The following LIPA variants were observed in gnomAD, a reference collection of about 807,000 sequenced individuals.
The protein encoded by LIPA is lysosomal acid lipase/cholesteryl ester hydrolase.
LIPA carries 26 observed loss-of-function variants against 40.6 expected under a neutral mutation model. The ratio of observed to expected loss-of-function variants is 0.64; its 90% CI spans 0.47 to 0.89. The LOEUF is 0.89. Ranked by LOEUF, LIPA falls within the 40% of genes least tolerant of loss-of-function variation. The probability of loss-of-function intolerance (pLI) is 0.00; values close to 1 mark genes in which losing one functional copy is unlikely to be tolerated. For synonymous variants in LIPA, 188 were observed against 168.4 expected (o/e 1.12, Z -0.90); for missense variants, 455 against 479.6 (o/e 0.95, Z 0.48).
At chr10:89,247,450 G>T in intron 2 of LIPA, 88 bp downstream of exon 2, 52 of 617,042 alleles carry the variant, frequency 8.4e-5, no homozygotes, top group East Asian at 4.7e-4. Flanking sequence ...ATAAAGAGAT[G>T]AATGTATGGG....
intron 1 of LIPA, among the ~76,000 whole-genome samples, chr10:89,251,391 G>A (rs1843118063): frequency 6.6e-6 from 1 of 152,236 alleles, no homozygotes; most frequent in African/African-American, 2.4e-5. Context: ...GCACGAGGAT[G>A]CAGAGAGAGG....
intron 1 of LIPA, among the ~76,000 whole-genome samples, chr10:89,273,166 A>G (rs892928827): frequency 3.3e-5 from 5 of 152,076 alleles, no homozygotes; most frequent in African/African-American, 1.2e-4. Flanking sequence ...GGAGGGAAGC[A>G]TAAGGAATTC....
intron 1 of LIPA, among the ~76,000 whole-genome samples, chr10:89,281,676 G>A (rs1447994351): frequency 6.6e-6 from 1 of 152,186 alleles, no homozygotes; most frequent in Admixed American, 6.5e-5. Flanking sequence ...CTTCGCTACT[G>A]CACTTTTTGT....
rs1462492699 is a variant in LIPA, at chr10:89,334,091, G to A, written c.-2+8520C>T. 2.0e-5 allele frequency among the ~76,000 whole-genome samples: 3 copies of A among 152,130 alleles called. No individual in the cohort carries two copies. The East Asian group carries it at 5.8e-4, about 29-fold the overall frequency. On this transcript the variant is annotated intron_variant, in intron 1 of 5. Transcript: ENST00000282673. ...CTGCACATGTGCAGACAAGAGTGGG[G>A]AAATCCCCACTCTTACCACTTCAAG...
At chr10:89,253,365 G>A (rs970966509), upstream of LIPA, among the ~76,000 whole-genome samples, 4 of 152,152 alleles carry the variant, frequency 2.6e-5, no homozygotes, top group Non-Finnish European at 4.4e-5. Context: ...CTTACATGGC[G>A]GCACATGTGA....
intron 2 of LIPA, among the ~76,000 whole-genome samples, chr10:89,409,858 C>A (rs1268202631): frequency 6.6e-6 from 1 of 152,140 alleles, no homozygotes; most frequent in African/African-American, 2.4e-5. Context: ...ATATATTAGC[C>A]AAAGCTGGAG....
At chr10:89,296,415 C>T (rs1164188226) in intron 1 of LIPA, among the ~76,000 whole-genome samples, 3 of 150,542 alleles carry the variant, frequency 2.0e-5, no homozygotes, top group Non-Finnish European at 3.0e-5. Flanking sequence ...CTGCTTGAAC[C>T]CGGTAGGCAG....
intron 2 of LIPA, chr10:89,362,857 C>T (rs1020710273): frequency 3.7e-5 from 12 of 326,768 alleles, no homozygotes; most frequent in African/African-American, 2.4e-4. Context: ...TATGTCATCA[C>T]TGCCTATTGC....
chr10:89,258,622 T>C (rs144482039), intron 1 of LIPA, among the ~76,000 whole-genome samples: 168 of 152,328 alleles, frequency 1.1e-3, no homozygotes, highest in African/African-American at 3.8e-3. Context: ...GTGTGGCCAC[T>C]TTGGAAAACA....
intron 2 of LIPA, among the ~76,000 whole-genome samples, chr10:89,386,179 A>G (rs1046507332): frequency 3.9e-5 from 6 of 152,166 alleles, no homozygotes; most frequent in East Asian, 1.9e-4. Context: ...AGCCAAAACC[A>G]TAAGTGCATG....
At chr10:89,345,038 G>A (rs894576809), upstream of LIPA, among the ~76,000 whole-genome samples, 7 of 151,724 alleles carry the variant, frequency 4.6e-5, no homozygotes, top group Admixed American at 4.6e-4. Context: ...ATAGTGGCGG[G>A]CATCTGTAAT....
At chr10:89,291,796 C>T (rs951531705) in intron 1 of LIPA, among the ~76,000 whole-genome samples, 1 of 152,182 alleles carries the variant, frequency 6.6e-6, no homozygotes, top group Non-Finnish European at 1.5e-5. Context: ...TTAGTGTTTC[C>T]CCTTCATAAT....
intron 1 of LIPA, among the ~76,000 whole-genome samples, chr10:89,282,898 A>C (rs1475365498): frequency 1.3e-5 from 2 of 152,172 alleles, no homozygotes; most frequent in Admixed American, 6.5e-5. Flanking sequence ...GCAGACCTGG[A>C]CTTCTGTCCT....
At chr10:89,304,886 G>A (rs971209785) in intron 1 of LIPA, among the ~76,000 whole-genome samples, 2 of 151,904 alleles carry the variant, frequency 1.3e-5, no homozygotes, top group Non-Finnish European at 2.9e-5. Flanking sequence ...AAAGAAAAAA[G>A]AGCTCTTTCT....
At chr10:89,384,535 A>G (rs367734139) in intron 2 of LIPA, 30 of 1,614,028 alleles carry the variant, frequency 1.9e-5, no homozygotes, top group Non-Finnish European at 2.5e-5. Flanking sequence ...AGGTTTGAAA[A>G]TAGAAAAAAT....
At chr10:89,260,621 T>G (rs1408908171) in intron 1 of LIPA, among the ~76,000 whole-genome samples, 2 of 152,154 alleles carry the variant, frequency 1.3e-5, no homozygotes, top group Non-Finnish European at 2.9e-5. Context: ...TTCTGGTACA[T>G]GGGGCCTCAG....
At chr10:89,289,382 G>A (rs918102031) in intron 1 of LIPA, among the ~76,000 whole-genome samples, 1 of 151,472 alleles carries the variant, frequency 6.6e-6, no homozygotes, top group African/African-American at 2.4e-5. Context: ...CTCAGGGAAT[G>A]TTCAGGCCCC....
intron 1 of LIPA, among the ~76,000 whole-genome samples, chr10:89,322,888 G>T (rs1187012621): frequency 2.6e-5 from 4 of 152,154 alleles, no homozygotes; most frequent in Admixed American, 1.3e-4. Context: ...ATCTACCCCT[G>T]CCACTGGTTG....
chr10:89,384,766 G>T, intron 2 of LIPA: 1 of 1,502,896 alleles, frequency 6.7e-7, no homozygotes, highest in South Asian at 1.2e-5. Context: ...TCCATTTAAT[G>T]GTCTTATAAC....
Sources: gnomAD v4.1 joint callset for allele counts (sites outside exome capture counted in the v4.1 genomes callset) on GRCh38, gnomAD v4.1.1 for gene constraint, MANE v1.5 for transcripts, NCBI Gene and HGNC (gene_info 2026-07-23, HGNC 2026-07-21) for gene names.